MID1: variants seen among roughly 807,000 people sequenced by gnomAD.
MID1 encodes E3 ubiquitin-protein ligase Midline-1.
A neutral mutation model predicts 40.4 loss-of-function variants in MID1; 7 were observed. That is an observed-to-expected ratio of 0.17 (90% CI 0.10 to 0.33). The LOEUF is 0.33. Ranked by LOEUF, MID1 falls within the 10% of genes least tolerant of loss-of-function variation. MID1 has a pLI of 1.00. For synonymous variants in MID1, 229 were observed against 221.2 expected (o/e 1.04, Z -0.31); for missense variants, 367 against 558.5 (o/e 0.66, Z 3.46).
chrX:10,722,584 G>C (rs1172646793), intron 1 of MID1, among the ~76,000 whole-genome samples: 1 of 111,911 alleles, frequency 8.9e-6, no homozygotes, highest in African/African-American at 3.3e-5. Flanking sequence ...GCCTTCAAGA[G>C]GAAAATTGAA....
intron 1 of MID1, among the ~76,000 whole-genome samples, chrX:10,791,394 TAAAC>T (rs1023330418): frequency 2.7e-5 from 3 of 112,073 alleles, no homozygotes; most frequent in African/African-American, 9.7e-5. Flanking sequence ...TAGAAAAAAT[TAAAC>T]AAGACCATGT....
chrX:10,501,350 A>C, intron 3 of MID1: 2 of 1,051,311 alleles, frequency 1.9e-6, no homozygotes, highest in Non-Finnish European at 2.6e-6. Context: ...AGTATGAGAA[A>C]CTCAGTCACT....
intron 2 of MID1, among the ~76,000 whole-genome samples, chrX:10,562,880 A>G (rs1408519964): frequency 9.4e-6 from 1 of 106,859 alleles, no homozygotes; most frequent in African/African-American, 3.7e-5. Context: ...TTATAATATT[A>G]AATAAATAAA....
intron 1 of MID1, among the ~76,000 whole-genome samples, chrX:10,778,942 G>C (rs1410166637): frequency 2.7e-5 from 3 of 113,110 alleles, no homozygotes; most frequent in Non-Finnish European, 5.6e-5. Context: ...TTGAGTTTGA[G>C]TGCCTGTGGT....
intron 1 of MID1, among the ~76,000 whole-genome samples, chrX:10,783,362 A>G (rs1235057293): frequency 2.7e-5 from 3 of 111,865 alleles, no homozygotes; most frequent in Non-Finnish European, 5.6e-5. Context: ...GAAGACCTGC[A>G]GGACCATCCT....
intron 3 of MID1, among the ~76,000 whole-genome samples, chrX:10,501,883 T>C (rs984641056): frequency 1.8e-5 from 2 of 112,143 alleles, no homozygotes; most frequent in Non-Finnish European, 3.8e-5. Context: ...GGTGTAATAG[T>C]GTTACAGTGT....
intron 3 of MID1, among the ~76,000 whole-genome samples, chrX:10,509,247 G>C (rs1300241391): frequency 9.0e-6 from 1 of 111,503 alleles, no homozygotes; most frequent in Non-Finnish European, 1.9e-5. Context: ...TGGTGAGTTT[G>C]TGAGTGTGTG....
At chrX:10,657,913 T>A (rs1404925176) in intron 1 of MID1, among the ~76,000 whole-genome samples, 1 of 112,105 alleles carries the variant, frequency 8.9e-6, no homozygotes, top group Non-Finnish European at 1.9e-5. Context: ...TTGGAATTAG[T>A]ACAGAAGCAG....
chrX:10,528,227 A>G (rs1000328517), intron 2 of MID1, among the ~76,000 whole-genome samples: 8 of 111,639 alleles, frequency 7.2e-5, no homozygotes, highest in African/African-American at 1.6e-4. Context: ...ATTAAAAAAA[A>G]TAGAACCAAG....
intron 1 of MID1, among the ~76,000 whole-genome samples, chrX:10,754,344 C>T (rs1444534001): frequency 9.4e-6 from 1 of 105,972 alleles, no homozygotes; most frequent in African/African-American, 3.8e-5. Flanking sequence ...CATCTGTCAG[C>T]CTGCTGGTAC....
intron 1 of MID1, among the ~76,000 whole-genome samples, chrX:10,719,040 C>A (rs1420866874): frequency 9.0e-6 from 1 of 111,599 alleles, no homozygotes; most frequent in Non-Finnish European, 1.9e-5. Flanking sequence ...ATTGATGGGA[C>A]GTATCTCAAA....
chrX:10,726,873 A>G (rs181461660), intron 1 of MID1, among the ~76,000 whole-genome samples: 1 of 112,779 alleles, frequency 8.9e-6, no homozygotes, highest in Admixed American at 9.4e-5. Context: ...GCTTGTGGCT[A>G]CACAGGAATC....
At chrX:10,762,817 C>T (rs745496692) in intron 1 of MID1, among the ~76,000 whole-genome samples, 1 of 111,855 alleles carries the variant, frequency 8.9e-6, no homozygotes, top group African/African-American at 3.2e-5. Context: ...CTTCCCTCCC[C>T]TATCCTCCAT....
chrX:10,528,349 G>T (rs997860817), intron 2 of MID1, among the ~76,000 whole-genome samples: 3 of 111,944 alleles, frequency 2.7e-5, no homozygotes, highest in Non-Finnish European at 5.6e-5. Context: ...AATCTGATAT[G>T]TTTTACACTT....
intron 1 of MID1, among the ~76,000 whole-genome samples, chrX:10,704,739 T>TATATATATATATATAC (rs1233692170): frequency 2.4e-5 from 2 of 82,184 alleles, no homozygotes; most frequent in African/African-American, 1.1e-4. Flanking sequence ...TATATATATA[T>TATATATATATATATAC]ACACACACAC....
chrX:10,768,052 TG>T (rs1485498988), intron 1 of MID1, among the ~76,000 whole-genome samples: 1 of 112,010 alleles, frequency 8.9e-6, no homozygotes, highest in Non-Finnish European at 1.9e-5. Flanking sequence ...AAAGAATTTT[TG>T]CTAATTAAGT....
chrX:10,471,189 C>G (rs1929688606), intron 6 of MID1, among the ~76,000 whole-genome samples: 1 of 112,260 alleles, frequency 8.9e-6, no homozygotes, highest in Non-Finnish European at 1.9e-5. Flanking sequence ...ACTCTACAAA[C>G]TAGGAGCAAC....
intron 1 of MID1, among the ~76,000 whole-genome samples, chrX:10,702,129 C>T (rs1035459632): frequency 8.9e-6 from 1 of 112,687 alleles, no homozygotes; most frequent in African/African-American, 3.2e-5. Context: ...CCCAACTGCA[C>T]AGAACTGTAC....
At chrX:10,767,570 C>T (rs775060753) in intron 1 of MID1, among the ~76,000 whole-genome samples, 23 of 111,847 alleles carry the variant, frequency 2.1e-4, no homozygotes, top group Admixed American at 5.7e-4. Flanking sequence ...CCACCCGCCT[C>T]GGCCTCCCAA....
Sources: gnomAD v4.1 joint callset for allele counts (sites outside exome capture counted in the v4.1 genomes callset) on GRCh38, gnomAD v4.1.1 for gene constraint, MANE v1.5 for transcripts, NCBI Gene and HGNC (gene_info 2026-07-23, HGNC 2026-07-21) for gene names.